The following SH3RF1 variants were observed in gnomAD, a reference collection of about 807,000 sequenced individuals.
The protein encoded by SH3RF1 is E3 ubiquitin-protein ligase SH3RF1.
In SH3RF1, 32 loss-of-function variants were observed where a neutral mutation model predicts 74.0. The ratio of observed to expected loss-of-function variants is 0.43; its 90% CI spans 0.33 to 0.58. The LOEUF is 0.58. Ranked by LOEUF, SH3RF1 falls within the 20% of genes least tolerant of loss-of-function variation. The pLI is 0.05. For synonymous variants in SH3RF1, 396 were observed against 439.6 expected (o/e 0.90, Z 1.24); for missense variants, 954 against 1,130.9 (o/e 0.84, Z 2.24).
chr4:169,228,139 C>A (rs1730679287), intron 2 of SH3RF1, among the ~76,000 whole-genome samples: 1 of 152,144 alleles, frequency 6.6e-6, no homozygotes, highest in Admixed American at 6.5e-5. Flanking sequence ...AGTACATATT[C>A]TAAATGTATA....
At chr4:169,265,601 G>T (rs1731339752) in intron 2 of SH3RF1, among the ~76,000 whole-genome samples, 1 of 152,152 alleles carries the variant, frequency 6.6e-6, no homozygotes, top group Non-Finnish European at 1.5e-5. Flanking sequence ...GGCCTCCTGA[G>T]TAGCTGGGGT....
At chr4:169,243,094 T>C (rs976725222) in intron 2 of SH3RF1, among the ~76,000 whole-genome samples, 2 of 152,206 alleles carry the variant, frequency 1.3e-5, no homozygotes, top group Non-Finnish European at 2.9e-5. Flanking sequence ...ACTACTTTTA[T>C]TTCATTAGAC....
At chr4:169,261,898 C>CTT (rs1260938740) in intron 2 of SH3RF1, among the ~76,000 whole-genome samples, 1 of 151,774 alleles carries the variant, frequency 6.6e-6, no homozygotes, top group African/African-American at 2.4e-5. Context: ...ATTTTTAATT[C>CTT]TTAAAACAAA....
At chr4:169,166,937 C>A (rs1418443424) in intron 2 of SH3RF1, 5 of 253,392 alleles carry the variant, frequency 2.0e-5, no homozygotes, top group South Asian at 5.5e-5. Flanking sequence ...CTGCAGAAGC[C>A]CAGATATCAA....
At chr4:169,130,484 C>CA (rs1733599938) in intron 5 of SH3RF1, among the ~76,000 whole-genome samples, 1 of 152,212 alleles carries the variant, frequency 6.6e-6, no homozygotes, top group Non-Finnish European at 1.5e-5. Context: ...TTCCAATGGA[C>CA]AGCCTGGTGC....
At chr4:169,255,841 C>T (rs1263503234) in intron 2 of SH3RF1, among the ~76,000 whole-genome samples, 2 of 151,800 alleles carry the variant, frequency 1.3e-5, no homozygotes, top group African/African-American at 4.8e-5. Flanking sequence ...GATCATGGCT[C>T]ACTGCAGCCT....
At chr4:169,143,604 G>A (rs944703437) in intron 4 of SH3RF1, among the ~76,000 whole-genome samples, 9 of 152,098 alleles carry the variant, frequency 5.9e-5, no homozygotes, top group African/African-American at 1.9e-4. Context: ...CATTTCTGAC[G>A]CCTCCTGGGT....
chr4:169,167,525 C>G (rs1323488651), intron 2 of SH3RF1, among the ~76,000 whole-genome samples: 2 of 152,244 alleles, frequency 1.3e-5, no homozygotes, highest in Non-Finnish European at 2.9e-5. Context: ...TAATACCAAA[C>G]ACTGAAAACA....
At chr4:169,137,829 T>C (rs565218911) in intron 4 of SH3RF1, among the ~76,000 whole-genome samples, 2 of 152,320 alleles carry the variant, frequency 1.3e-5, no homozygotes, top group South Asian at 2.1e-4. Context: ...CTACAGATGA[T>C]TGCAAATTGA....
At chr4:169,257,998 C>G (rs919744930) in intron 2 of SH3RF1, among the ~76,000 whole-genome samples, 1 of 152,162 alleles carries the variant, frequency 6.6e-6, no homozygotes, top group South Asian at 2.1e-4. Context: ...CTCAATGCAC[C>G]AAGATCATAT....
At chr4:169,168,052 A>G (rs1734275417) in intron 2 of SH3RF1, among the ~76,000 whole-genome samples, 1 of 152,120 alleles carries the variant, frequency 6.6e-6, no homozygotes, top group African/African-American at 2.4e-5. Flanking sequence ...AGGTAGAAGG[A>G]TCACTTGAGC....
chr4:169,152,245 G>C (rs10019701), intron 4 of SH3RF1, among the ~76,000 whole-genome samples: 1,697 of 152,200 alleles, frequency 0.011, 37 homozygotes, highest in African/African-American at 0.039. Context: ...AATCTCCGGA[G>C]GGGAAGGGTG....
intron 4 of SH3RF1, among the ~76,000 whole-genome samples, chr4:169,153,243 G>A (rs1182603410): frequency 6.6e-6 from 1 of 152,148 alleles, no homozygotes. Flanking sequence ...AGACATAGTG[G>A]TGTCAGACCC....
At chr4:169,202,414 G>A (rs1188915527) in intron 2 of SH3RF1, among the ~76,000 whole-genome samples, 1 of 83,014 alleles carries the variant, frequency 1.2e-5, no homozygotes, top group Non-Finnish European at 2.6e-5. Context: ...CTCAAACAGT[G>A]AGCCTCTGTG....
chr4:169,102,240 T>G (rs1733050340), intron 11 of SH3RF1, among the ~76,000 whole-genome samples: 1 of 152,202 alleles, frequency 6.6e-6, no homozygotes, highest in African/African-American at 2.4e-5. Flanking sequence ...CCAAGTAAAT[T>G]ACGTCCATTG....
chr4:169,174,605 G>A (rs1333737004), intron 2 of SH3RF1, among the ~76,000 whole-genome samples: 1 of 151,970 alleles, frequency 6.6e-6, no homozygotes, highest in Non-Finnish European at 1.5e-5. Context: ...TCTGACATTT[G>A]CTCTTTTCTA....
rs112861957 is a variant in SH3RF1 at position 169,223,947 on chromosome 4, G to A, written c.393+44873C>T. On this transcript the variant is annotated intron_variant, in intron 2 of 11. Transcript: ENST00000284637. ...GGCCAGTGTAGCTGGAAGAAAATAC[G>A]TGAATCAAAGAGGTAAGAGATGTTG... Among the ~76,000 whole-genome samples the A allele has an allele frequency of 6.3e-3, 955 of 152,286 alleles. 4 individuals are homozygous for A. The highest frequency in any genetic ancestry group is 0.01 in the Non-Finnish European group (712 of 68,020).
intron 2 of SH3RF1, among the ~76,000 whole-genome samples, chr4:169,235,101 T>C (rs934027837): frequency 6.6e-6 from 1 of 152,206 alleles, no homozygotes; most frequent in African/African-American, 2.4e-5. Flanking sequence ...TACAAATATA[T>C]TGAATAACTA....
intron 2 of SH3RF1, among the ~76,000 whole-genome samples, chr4:169,212,024 ATCT>A (rs1335171560): frequency 1.6e-5 from 2 of 127,398 alleles, no homozygotes; most frequent in Non-Finnish European, 3.4e-5. Flanking sequence ...TTTCTATAAG[ATCT>A]TGTTTTCTAA....
Sources: gnomAD v4.1 joint callset for allele counts (sites outside exome capture counted in the v4.1 genomes callset) on GRCh38, gnomAD v4.1.1 for gene constraint, MANE v1.5 for transcripts, NCBI Gene and HGNC (gene_info 2026-07-23, HGNC 2026-07-21) for gene names.